The following LRIG1 variants were observed in gnomAD, a reference collection of about 807,000 sequenced individuals.
LRIG1 encodes leucine rich repeats and immunoglobulin like domains 1, also known as leucine-rich repeats and immunoglobulin-like domains protein 1.
A neutral mutation model predicts 99.2 loss-of-function variants in LRIG1; 48 were observed. The observed-to-expected ratio is 0.48, with a 90% CI of 0.38 to 0.62. The LOEUF (loss-of-function observed/expected upper bound fraction) is 0.62. Ranked by LOEUF, LRIG1 falls within the 20% of genes least tolerant of loss-of-function variation. The pLI is 0.00. For synonymous variants in LRIG1, 772 were observed against 596.1 expected (o/e 1.29, Z -4.30); for missense variants, 1,646 against 1,434.4 (o/e 1.15, Z -2.38).
chr3:66,494,226 T>A lies in LRIG1; in HGVS notation c.218+5964A>T, dbSNP rs370023051. ...ATAAGATAGAGCATTTTTCTGTCTT[T>A]TTAGACATGAAGAGGTTTGCCCAAA... On this transcript the variant is annotated intron_variant, in intron 1 of 18. Coordinates refer to ENST00000273261, the MANE Select transcript of LRIG1 (RefSeq NM_015541.3). Among the ~76,000 whole-genome samples the A allele has an allele frequency of 2.5e-4, 38 of 152,342 alleles. 1 individual carries two copies. In the East Asian group the frequency reaches 6.0e-3, roughly 24 times the overall value.
intron 3 of LRIG1, among the ~76,000 whole-genome samples, chr3:66,429,282 GA>G (rs1234500752): frequency 7.2e-5 from 11 of 152,066 alleles, no homozygotes; most frequent in Non-Finnish European, 1.6e-4. Context: ...TCCCTGAAAC[GA>G]AAAAATCTAG....
intron 3 of LRIG1, among the ~76,000 whole-genome samples, chr3:66,434,797 A>C (rs530118790): frequency 1.3e-3 from 192 of 152,060 alleles, no homozygotes; most frequent in African/African-American, 4.3e-3. Flanking sequence ...TGCTGGCCAT[A>C]ATGTGGAGAA....
At chr3:66,451,319 AAAGAC>A (rs1437642415) in intron 3 of LRIG1, among the ~76,000 whole-genome samples, 2 of 152,134 alleles carry the variant, frequency 1.3e-5, no homozygotes, top group Non-Finnish European at 2.9e-5. Context: ...TAAAAAAAAA[AAAGAC>A]AAAAGACCTA....
chr3:66,387,312 C>T (rs963059591), intron 12 of LRIG1: 2 of 151,986 alleles, frequency 1.3e-5, no homozygotes, highest in African/African-American at 2.4e-5. Flanking sequence ...TGTGCACACC[C>T]AGGAAAGACG....
At chr3:66,417,570 C>T (rs1300317952) in intron 3 of LRIG1, 3 of 345,306 alleles carry the variant, frequency 8.7e-6, no homozygotes, top group African/African-American at 2.1e-5. Context: ...CCAGAATCCA[C>T]GGATGCACTC....
chr3:66,401,017 A>T (rs4856896), intron 9 of LRIG1, among the ~76,000 whole-genome samples: 141,696 of 152,198 alleles, frequency 0.93, 66,066 homozygotes, highest in East Asian at 0.99. Flanking sequence ...ACCATTCAGG[A>T]TGACCCCAGC....
intron 1 of LRIG1, among the ~76,000 whole-genome samples, chr3:66,495,312 C>T (rs1277326066): frequency 6.6e-6 from 1 of 152,188 alleles, no homozygotes; most frequent in African/African-American, 2.4e-5. Context: ...AAGACAATGC[C>T]ATCAGCCTTT....
intron 2 of LRIG1, among the ~76,000 whole-genome samples, chr3:66,453,411 G>A (rs1267491658): frequency 6.6e-6 from 1 of 152,218 alleles, no homozygotes; most frequent in African/African-American, 2.4e-5. Context: ...CTGCACCAAT[G>A]AGGAAACTGA....
At chr3:66,405,091 T>C (rs1337648676) in intron 9 of LRIG1, 107 bp downstream of exon 9, 1 of 940,584 alleles carries the variant, frequency 1.1e-6, no homozygotes, top group Admixed American at 2.0e-5. Flanking sequence ...CAGCTCCTCT[T>C]CCGCCTGGGC....
Position 66,435,842 on chromosome 3 carries a change from C to T in LRIG1, c.365+15717G>A, listed in dbSNP as rs532604774. On this transcript the variant is annotated intron_variant, in intron 3 of 18. Transcript: ENST00000273261. ...TTATCCCTAAGTATCATTAAAACAA[C>T]AATACAAAAGTGTCATGGCATTCAC... 3.3e-5 allele frequency among the ~76,000 whole-genome samples: 5 copies of T among 151,704 alleles called. No homozygotes were observed. The South Asian group carries it at 8.4e-4, about 25-fold the overall frequency.
At chr3:66,421,220 AC>A (rs1245834509) in intron 3 of LRIG1, among the ~76,000 whole-genome samples, 7 of 152,124 alleles carry the variant, frequency 4.6e-5, no homozygotes, top group Admixed American at 1.3e-4. Context: ...TCACATCCTC[AC>A]ATTTCAAAAC....
chr3:66,423,925 C>A (rs1235133049), intron 3 of LRIG1, among the ~76,000 whole-genome samples: 4 of 152,116 alleles, frequency 2.6e-5, no homozygotes, highest in African/African-American at 9.7e-5. Flanking sequence ...GTCATCAGAG[C>A]CAGGCTAAGG....
chr3:66,484,347 T>C (rs995791658), intron 1 of LRIG1, among the ~76,000 whole-genome samples: 2 of 152,076 alleles, frequency 1.3e-5, no homozygotes, highest in African/African-American at 2.4e-5. Flanking sequence ...CAATGGTGGA[T>C]TGGAAACAAA....
In LRIG1 at chr3:66,383,834, T is replaced by G. The variant is rs1462260462; in HGVS notation, c.2071+157A>C. On this transcript the variant is annotated intron_variant, in intron 14 of 18. Transcript: ENST00000273261. The stretch of plus-strand genomic sequence containing the variant: ...TTTTAAAGAGATAGAAACACTTGTT[T>G]AAGAAAAATTAACTCAACTCAAAAA... 7.2e-5 allele frequency among the ~76,000 whole-genome samples: 11 copies of G among 152,144 alleles called. 1 individual carries two copies. Among genetic ancestry groups the G allele is most frequent in the Admixed American group, 3.9e-4 (6 of 15,262 alleles).
chr3:66,380,348 C>T lies in LRIG1; in HGVS notation c.3197G>A (p.Cys1066Tyr). ...TGGCGTGGACTCGGGACTGGCGTCA[C>T]ATGCTTTGGGGAGGTGGCCATTGGA... ...LVSNGHLPKA[C>Y]DASPESTPLT... Residue 1066 changes from cysteine (C) to tyrosine (Y), a missense_variant, in exon 19 of 19, where the codon TGT becomes TAT. Transcript: ENST00000273261. The T allele has an allele frequency of 6.2e-7, 1 of 1,614,190 alleles. No homozygotes were observed. The highest frequency in any genetic ancestry group is 8.5e-7 in the Non-Finnish European group (1 of 1,180,040).
intron 2 of LRIG1, 40 bp from the exon 3 acceptor site, chr3:66,451,673 A>T (rs1171479125): frequency 6.8e-7 from 1 of 1,466,302 alleles, no homozygotes; most frequent in Admixed American, 1.7e-5. Flanking sequence ...AAGGCATTTG[A>T]ATTAGTCTGA....
chr3:66,417,367 T>C (rs539873750), intron 3 of LRIG1, 101 bp from the exon 4 acceptor site: 2 of 1,175,828 alleles, frequency 1.7e-6, no homozygotes, highest in South Asian at 2.8e-5. Flanking sequence ...ATAACTACAA[T>C]GCAGTGACGC....
At chr3:66,417,316 C>T in intron 3 of LRIG1, 50 bp from the exon 4 acceptor site, 2 of 1,583,484 alleles carry the variant, frequency 1.3e-6, no homozygotes, top group Non-Finnish European at 1.7e-6. Flanking sequence ...TGCAAAGTAA[C>T]TACAAGAAAC....
At chr3:66,420,088 C>G (rs891282068) in intron 3 of LRIG1, among the ~76,000 whole-genome samples, 1 of 152,186 alleles carries the variant, frequency 6.6e-6, no homozygotes, top group African/African-American at 2.4e-5. Context: ...TATAAAGAAC[C>G]TCTACAACAA....
Sources: gnomAD v4.1 joint callset for allele counts (sites outside exome capture counted in the v4.1 genomes callset) on GRCh38, gnomAD v4.1.1 for gene constraint, MANE v1.5 for transcripts, NCBI Gene and HGNC (gene_info 2026-07-23, HGNC 2026-07-21) for gene names.